The following CLTC variants were observed in gnomAD, a reference collection of about 807,000 sequenced individuals.
CLTC encodes clathrin heavy chain 1.
A neutral mutation model predicts 195.8 loss-of-function variants in CLTC; 16 were observed. That is an observed-to-expected ratio of 0.08 (90% confidence interval 0.06 to 0.12). The LOEUF is 0.12. CLTC is among the 10% of genes least tolerant of loss of function. The pLI is 1.00. For missense variants in CLTC, 796 were observed against 2,027.0 expected, an observed-to-expected ratio of 0.39 and a Z score of 11.66; for synonymous variants, 667 against 689.4, an observed-to-expected ratio of 0.97 and a Z score of 0.51.
Position 59,620,061 on chromosome 17 carries a change from C to A in CLTC, c.-71C>A. 2 of 1,488,562 alleles carry A rather than the reference C, an allele frequency of 1.3e-6. No individual in the cohort carries two copies. The highest frequency in any genetic ancestry group is 1.1e-5 in the South Asian group (1 of 87,648). The allele number at this position is 1,488,562 out of a possible 1,614,324, so 92.2% of individuals were successfully genotyped here. On this transcript the variant is annotated 5_prime_UTR_variant, in exon 1 of 32. Transcript: ENST00000269122. The stretch of plus-strand genomic sequence containing the variant: ...CCCCCCTCCCCTTCTCCTCCTCTCC[C>A]TTGGAGAGCCCGGGCAGCCACTGCC...
At chr17:59,639,793 A>G (rs1206130342) in intron 1 of CLTC, among the ~76,000 whole-genome samples, 1 of 112,162 alleles carries the variant, frequency 8.9e-6, no homozygotes, top group East Asian at 2.8e-4. Flanking sequence ...CATAGGGAGA[A>G]CCTGTCTCTT....
At chr17:59,644,947 C>T (rs956131966) in intron 2 of CLTC, among the ~76,000 whole-genome samples, 6 of 152,140 alleles carry the variant, frequency 3.9e-5, no homozygotes, top group African/African-American at 1.2e-4. Context: ...CTGCTAATAC[C>T]GAACTTGATT....
At chr17:59,652,682 C>T (rs1393075082) in intron 5 of CLTC, among the ~76,000 whole-genome samples, 1 of 152,148 alleles carries the variant, frequency 6.6e-6, no homozygotes, top group Non-Finnish European at 1.5e-5. Flanking sequence ...ATGCTGTAAA[C>T]AGATGTGCTG....
chr17:59,652,241 C>G (rs1433056076), intron 5 of CLTC, among the ~76,000 whole-genome samples: 1 of 152,202 alleles, frequency 6.6e-6, no homozygotes, highest in Non-Finnish European at 1.5e-5. Flanking sequence ...CAGCCTCTTC[C>G]AAACTCCTTT....
intron 30 of CLTC, among the ~76,000 whole-genome samples, chr17:59,686,507 C>CT (rs1190076214): frequency 6.6e-6 from 1 of 152,122 alleles, no homozygotes; most frequent in Non-Finnish European, 1.5e-5. Flanking sequence ...TTCCTTCAGC[C>CT]TGCCTGAGTT....
At position 59,696,008 on chromosome 17, in the gene CLTC, T is replaced by C. The variant is rs1479220506; in HGVS notation, c.*2156T>C. 2 of 206,940 alleles carry C rather than the reference T, an allele frequency of 9.7e-6. No individual in the cohort carries two copies. Among genetic ancestry groups the C allele is most frequent in the Non-Finnish European group, 2.0e-5 (2 of 101,604 alleles). The allele number at this position is 206,940 out of a possible 1,614,324, so 12.8% of individuals were successfully genotyped here. Reference sequence around the variant, plus strand: ...ACCAGAATTTTCATAGTATTCCTTTTAGTAGATATGCCATGACAGTTACTT... The same window carrying C: ...ACCAGAATTTTCATAGTATTCCTTTCAGTAGATATGCCATGACAGTTACTT... On this transcript the variant is annotated 3_prime_UTR_variant, in exon 32 of 32. Transcript: ENST00000269122.
At chr17:59,640,691 G>C (rs557957132) in intron 1 of CLTC, among the ~76,000 whole-genome samples, 1 of 151,672 alleles carries the variant, frequency 6.6e-6, no homozygotes, top group South Asian at 2.1e-4. Flanking sequence ...GAGCCACCAC[G>C]CCCAGCCGAA....
intron 5 of CLTC, among the ~76,000 whole-genome samples, chr17:59,652,499 C>T (rs2032352012): frequency 6.6e-6 from 1 of 152,214 alleles, no homozygotes; most frequent in Non-Finnish European, 1.5e-5. Flanking sequence ...CCATAGGCTT[C>T]AGAGTGGATG....
Position 59,620,318 on chromosome 17 carries a change from C to T in CLTC, c.42+145C>T, listed in dbSNP as rs1418236099. The T allele has an allele frequency of 8.0e-6, 6 of 747,558 alleles. No individual in the cohort carries two copies. In the Admixed American group the frequency reaches 9.1e-5, roughly 11 times the overall value. The allele number at this position is 747,558 out of a possible 1,614,324, so 46.3% of individuals were successfully genotyped here. ...GGGTAGGTGGAGGAGGGGGCACTATCTTGGAAAGCTTAAAATATTAAATGA... is the reference window on the plus strand; with the variant it reads ...GGGTAGGTGGAGGAGGGGGCACTATTTTGGAAAGCTTAAAATATTAAATGA... On this transcript the variant is annotated intron_variant, in intron 1 of 31. Transcript: ENST00000269122.
At chr17:59,691,177 C>T (rs1177642721) in intron 31 of CLTC, among the ~76,000 whole-genome samples, 2 of 152,180 alleles carry the variant, frequency 1.3e-5, no homozygotes, top group African/African-American at 2.4e-5. Context: ...TTCAAACTCT[C>T]AAGTGAATAT....
At chr17:59,645,958 T>C in intron 2 of CLTC, 1 of 666,790 alleles carries the variant, frequency 1.5e-6, no homozygotes. Flanking sequence ...AAAATTCTTT[T>C]CTATTTTTAA....
rs2033411659 is a variant in CLTC, at chr17:59,695,905, C to CTT, written c.*2055_*2056dup. The CTT allele has an allele frequency of 1.5e-5, 3 of 200,124 alleles. No individual in the cohort carries two copies. The highest frequency in any genetic ancestry group is 6.0e-5 in the Admixed American group (1 of 16,652). The allele number at this position is 200,124 out of a possible 1,614,324, so 12.4% of individuals were successfully genotyped here. Reference sequence around the variant, plus strand: ...GACCCTGTGGGTTCTGCAGAGTATACTTTGAAAACTATAAGATTATGAGTT... The same window carrying CTT: ...GACCCTGTGGGTTCTGCAGAGTATACTTTTTGAAAACTATAAGATTATGAGTT... On this transcript the variant is annotated 3_prime_UTR_variant, in exon 32 of 32. Transcript: ENST00000269122.
rs1388010433 is a variant in CLTC, at chr17:59,682,482, G to A, written c.3600+54G>A. The A allele has an allele frequency of 5.0e-6, 8 of 1,605,224 alleles. No individual in the cohort carries two copies. The highest frequency in any genetic ancestry group is 6.8e-6 in the Non-Finnish European group (8 of 1,173,978). On this transcript the variant is annotated intron_variant, in intron 22 of 31. Coordinates refer to ENST00000269122, the MANE Select transcript of CLTC (RefSeq NM_004859.4). This position sits in a 1 kb window ranked among gnomAD's most constrained non-coding sequence, Gnocchi z 6.8. ...ACTAGTTGGGCTACTTGATTAGCTT[G>A]GTAGGATCAAAACATCATAACTGAA... is the stretch of plus-strand genomic sequence containing the variant.
At chr17:59,626,488 T>C (rs2031556336) in intron 1 of CLTC, among the ~76,000 whole-genome samples, 1 of 152,208 alleles carries the variant, frequency 6.6e-6, no homozygotes, top group Non-Finnish European at 1.5e-5. Flanking sequence ...AATACCCATA[T>C]GGAATGCCGG....
At chr17:59,621,688 A>G (rs2031384371) in intron 1 of CLTC, among the ~76,000 whole-genome samples, 1 of 152,228 alleles carries the variant, frequency 6.6e-6, no homozygotes, top group Non-Finnish European at 1.5e-5. Context: ...CATCTGAAGT[A>G]ATGGAATATA....
At position 59,693,929 on chromosome 17, in the gene CLTC, G is replaced by A. The variant is rs1282211189; in HGVS notation, c.*77G>A. The A allele has an allele frequency of 1.4e-6, 2 of 1,402,716 alleles. No individual in the cohort carries two copies. The highest frequency in any genetic ancestry group is 1.5e-5 in the African/African-American group (1 of 67,914). 86.9% of individuals were successfully genotyped at this position (1,402,716 alleles called of 1,614,324 possible). A position where few individuals can be genotyped will look rare whatever the true frequency, so the allele number is the denominator to read the frequency against. ...TACCCACTTCTCAGTTTATAATGGG[G>A]GAAAACAGGCAACGTGTTCTTGTAA... is the stretch of plus-strand genomic sequence containing the variant. On this transcript the variant is annotated 3_prime_UTR_variant, in exon 32 of 32. Coordinates refer to ENST00000269122, the MANE Select transcript of CLTC (RefSeq NM_004859.4).
chr17:59,636,242 A>C (rs906677981), intron 1 of CLTC, among the ~76,000 whole-genome samples: 3 of 152,196 alleles, frequency 2.0e-5, no homozygotes, highest in Admixed American at 6.5e-5. Context: ...ATGTGTGTTA[A>C]ATCACCTTAA....
At chr17:59,679,575 T>C in intron 18 of CLTC, 56 bp downstream of exon 18, 4 of 1,493,960 alleles carry the variant, frequency 2.7e-6, no homozygotes, top group Non-Finnish European at 3.6e-6. Context: ...TTTTTAACTA[T>C]GAATACAATC....
At chr17:59,647,000 TTTG>T (rs1469088690) in intron 2 of CLTC, among the ~76,000 whole-genome samples, 2 of 152,320 alleles carry the variant, frequency 1.3e-5, no homozygotes, top group African/African-American at 2.4e-5. Context: ...CCCCCATGTG[TTTG>T]TTATCAGAGT....
Sources: gnomAD v4.1 joint callset for allele counts (sites outside exome capture counted in the v4.1 genomes callset) on GRCh38, gnomAD v4.1.1 for gene constraint, Gnocchi (gnomAD v3.1) non-coding constraint, MANE v1.5 for transcripts, NCBI Gene and HGNC (gene_info 2026-07-23, HGNC 2026-07-21) for gene names.